Variants in ZBTB7C observed in about 807,000 individuals in gnomAD.
The protein encoded by ZBTB7C is zinc finger and BTB domain containing 7C.
A neutral mutation model predicts 25.7 loss-of-function variants in ZBTB7C; 8 were observed. The ratio of observed to expected loss-of-function variants is 0.31; its 90% CI spans 0.18 to 0.56. The LOEUF (loss-of-function observed/expected upper bound fraction) is 0.56, where lower values mean the gene tolerates loss of function less well. Among genes scored for constraint, ZBTB7C ranks in the 20% least tolerant of loss-of-function variants. ZBTB7C has a pLI of 0.91. For synonymous variants in ZBTB7C, 394 were observed against 369.0 expected (o/e 1.07, Z -0.78); for missense variants, 824 against 855.2 (o/e 0.96, Z 0.46).
intron 3 of ZBTB7C, among the ~76,000 whole-genome samples, chr18:48,082,408 T>C (rs961183784): frequency 1.1e-4 from 17 of 152,166 alleles, no homozygotes; most frequent in African/African-American, 4.1e-4. Context: ...GTCCTGTTCC[T>C]TATCTGCAGG....
At chr18:48,187,238 T>C (rs990277022) in intron 2 of ZBTB7C, among the ~76,000 whole-genome samples, 2 of 152,178 alleles carry the variant, frequency 1.3e-5, no homozygotes, top group Non-Finnish European at 2.9e-5. Context: ...TGCAAGGGAA[T>C]GGGGCAGATA....
chr18:48,313,578 C>G (rs1158632942), intron 2 of ZBTB7C, among the ~76,000 whole-genome samples: 1 of 152,226 alleles, frequency 6.6e-6, no homozygotes, highest in Non-Finnish European at 1.5e-5. Context: ...GTCATTAGCA[C>G]TGGCCTGGGA....
intron 3 of ZBTB7C, among the ~76,000 whole-genome samples, chr18:48,044,551 C>T (rs893623923): frequency 6.6e-6 from 1 of 152,238 alleles, no homozygotes; most frequent in South Asian, 2.1e-4. Context: ...CCCCTGGAGG[C>T]CTGGATCAGA....
At chr18:48,284,946 C>T (rs555335900) in intron 2 of ZBTB7C, among the ~76,000 whole-genome samples, 2 of 152,112 alleles carry the variant, frequency 1.3e-5, no homozygotes, top group Non-Finnish European at 2.9e-5. Flanking sequence ...TGGACTAATG[C>T]GTAAAGGCAG....
chr18:48,227,589 G>A (rs1349575378), intron 2 of ZBTB7C, among the ~76,000 whole-genome samples: 1 of 152,192 alleles, frequency 6.6e-6, no homozygotes, highest in East Asian at 1.9e-4. Flanking sequence ...TGTTTACACT[G>A]TCATTACTGT....
chr18:48,310,976 G>T (rs1466373212), intron 2 of ZBTB7C, among the ~76,000 whole-genome samples: 5 of 152,172 alleles, frequency 3.3e-5, no homozygotes, highest in Admixed American at 2.6e-4. Context: ...GCCAATTTGG[G>T]CAGTAAATTA....
intron 2 of ZBTB7C, among the ~76,000 whole-genome samples, chr18:48,324,950 G>A (rs1454599292): frequency 6.6e-6 from 1 of 152,178 alleles, no homozygotes; most frequent in Non-Finnish European, 1.5e-5. Context: ...GATGCGAGAG[G>A]GTGCGTAGAA....
chr18:48,171,207 G>A (rs2041467386), intron 3 of ZBTB7C, among the ~76,000 whole-genome samples: 1 of 152,206 alleles, frequency 6.6e-6, no homozygotes, highest in Admixed American at 6.5e-5. Context: ...CTGGCCCCAA[G>A]TTAAACAAGA....
chr18:48,306,426 T>G (rs968768794), intron 2 of ZBTB7C, among the ~76,000 whole-genome samples: 1 of 152,242 alleles, frequency 6.6e-6, no homozygotes, highest in African/African-American at 2.4e-5. Context: ...GTGTACAGTT[T>G]AGTGACATTA....
intron 3 of ZBTB7C, among the ~76,000 whole-genome samples, chr18:48,117,506 T>C (rs953328555): frequency 6.6e-6 from 1 of 152,232 alleles, no homozygotes. Flanking sequence ...TCCTGCTATG[T>C]GACCTTAGGC....
chr18:48,063,923 TAC>T (rs2037221917), intron 3 of ZBTB7C, among the ~76,000 whole-genome samples: 1 of 151,818 alleles, frequency 6.6e-6, no homozygotes, highest in African/African-American at 2.4e-5. Flanking sequence ...GATAATTAAA[TAC>T]TTATTAATAA....
chr18:48,402,049 A>G (rs2145316010), intron 1 of ZBTB7C, among the ~76,000 whole-genome samples: 1 of 152,184 alleles, frequency 6.6e-6, no homozygotes, highest in Middle Eastern at 3.4e-3. Context: ...CTCCCATAGG[A>G]AGAATTCTAT....
At chr18:48,054,287 G>A (rs191601202) in intron 3 of ZBTB7C, among the ~76,000 whole-genome samples, 4 of 152,254 alleles carry the variant, frequency 2.6e-5, no homozygotes, top group African/African-American at 7.2e-5. Flanking sequence ...AAGGGCGGCC[G>A]GAACCAGTTA....
At chr18:48,223,618 C>T (rs925024307) in intron 2 of ZBTB7C, among the ~76,000 whole-genome samples, 1 of 152,132 alleles carries the variant, frequency 6.6e-6, no homozygotes, top group Non-Finnish European at 1.5e-5. Context: ...AGGATGGTGT[C>T]CCACCTTACT....
intron 3 of ZBTB7C, among the ~76,000 whole-genome samples, chr18:48,128,240 T>C (rs2039870863): frequency 6.6e-6 from 1 of 152,172 alleles, no homozygotes; most frequent in Non-Finnish European, 1.5e-5. Flanking sequence ...CTCCTCTCCA[T>C]TTAGCCGCCT....
At chr18:48,169,627 T>C (rs1013871220) in intron 3 of ZBTB7C, among the ~76,000 whole-genome samples, 3 of 152,230 alleles carry the variant, frequency 2.0e-5, no homozygotes, top group African/African-American at 7.2e-5. Flanking sequence ...GTCCACTTTC[T>C]TCTTTATCAA....
At chr18:48,034,255 G>C (rs2035876164) in intron 4 of ZBTB7C, among the ~76,000 whole-genome samples, 1 of 151,932 alleles carries the variant, frequency 6.6e-6, no homozygotes, top group African/African-American at 2.4e-5. Flanking sequence ...CATCTCCTCT[G>C]CCAGCTTCCT....
chr18:48,180,469 A>G, intron 3 of ZBTB7C: 1 of 401,496 alleles, frequency 2.5e-6, no homozygotes, highest in Non-Finnish European at 5.0e-6. Context: ...CATGTCACCT[A>G]TGCCATGCCT....
rs536389987 is a variant in ZBTB7C at position 48,145,072 on chromosome 18, G to A, written c.-17+40862C>T. On this transcript the variant is annotated intron_variant, in intron 3 of 4. Coordinates refer to ENST00000590800, the MANE Select transcript of ZBTB7C (RefSeq NM_001318841.2). ...AGAGACTCAGGCAAACCGAGACTGGGTTGCAGTCTTGGGCATCTTTGTTGG... is the reference window on the plus strand; with the variant it reads ...AGAGACTCAGGCAAACCGAGACTGGATTGCAGTCTTGGGCATCTTTGTTGG... 5.9e-5 allele frequency among the ~76,000 whole-genome samples: 9 copies of A among 152,206 alleles called. No homozygotes were observed. The East Asian group carries it at 1.7e-3, about 29-fold the overall frequency.
Sources: allele counts gnomAD v4.1 joint callset (sites outside exome capture counted in the v4.1 genomes callset), GRCh38; gene constraint gnomAD v4.1.1; transcripts MANE v1.5; gene names NCBI Gene and HGNC (gene_info 2026-07-23, HGNC 2026-07-21).